The following MAST4 variants were observed in gnomAD, a reference collection of about 807,000 sequenced individuals.
MAST4 encodes the protein microtubule-associated serine/threonine-protein kinase 4.
A neutral mutation model predicts 162.7 loss-of-function variants in MAST4; 89 were observed. That is an observed-to-expected ratio of 0.55 (90% CI 0.46 to 0.65). MAST4 has a LOEUF of 0.65. MAST4 is among the 30% of genes least tolerant of loss of function. MAST4 has a pLI of 0.00. For missense variants in MAST4, 3,153 were observed against 3,374.0 expected, an observed-to-expected ratio of 0.93 and a Z score of 1.62; for synonymous variants, 1,479 against 1,361.1, an observed-to-expected ratio of 1.09 and a Z score of -1.91.
At chr5:67,001,792 G>A (rs939646186) in intron 4 of MAST4, 3 of 152,178 alleles carry the variant, frequency 2.0e-5, no homozygotes, top group African/African-American at 7.2e-5. Context: ...TCTCCTTCAA[G>A]TTTTCTCTGC....
intron 1 of MAST4, among the ~76,000 whole-genome samples, chr5:66,701,279 T>A (rs1580235848): frequency 6.6e-6 from 1 of 152,322 alleles, no homozygotes; most frequent in East Asian, 1.9e-4. Context: ...TGCTTTTTAA[T>A]GAATTTACTT....
chr5:66,699,858 C>G (rs897500979), intron 1 of MAST4, among the ~76,000 whole-genome samples: 15 of 151,884 alleles, frequency 9.9e-5, no homozygotes, highest in Admixed American at 2.0e-4. Context: ...AGCAAACCAC[C>G]GTGGCACACA....
intron 5 of MAST4, among the ~76,000 whole-genome samples, chr5:67,066,494 T>C (rs976066221): frequency 2.0e-5 from 3 of 151,872 alleles, no homozygotes; most frequent in African/African-American, 7.2e-5. Context: ...TATGTCTATA[T>C]CATTTTCTTT....
At chr5:66,812,649 G>A (rs1756534903) in intron 3 of MAST4, among the ~76,000 whole-genome samples, 1 of 152,198 alleles carries the variant, frequency 6.6e-6, no homozygotes, top group Non-Finnish European at 1.5e-5. Flanking sequence ...GAGTTGTAGG[G>A]CTGAGGGTGA....
intron 26 of MAST4, among the ~76,000 whole-genome samples, chr5:67,159,593 A>G (rs1186607452): frequency 1.3e-5 from 2 of 152,138 alleles, no homozygotes; most frequent in Non-Finnish European, 2.9e-5. Flanking sequence ...AATCGGGGCC[A>G]TCTGTGACCT....
In MAST4 at chr5:66,745,814, T is replaced by A. The variant is rs74508985; in HGVS notation, c.364-13895T>A. Reference sequence around the variant, plus strand: ...CTGTATCTTTTCTGTTTTCTAGCTTTAACCTTTAGCGCAATGTCTAGTCCA... The same window carrying A: ...CTGTATCTTTTCTGTTTTCTAGCTTAAACCTTTAGCGCAATGTCTAGTCCA... On this transcript the variant is annotated intron_variant, in intron 1 of 28. Coordinates refer to ENST00000403625, the MANE Select transcript of MAST4 (RefSeq NM_001164664.2). Among the ~76,000 whole-genome samples the A allele has an allele frequency of 1.9e-3, 294 of 152,362 alleles. 1 individual carries two copies. Among genetic ancestry groups the A allele is most frequent in the Non-Finnish European group, 3.4e-3 (228 of 68,040 alleles).
intron 1 of MAST4, among the ~76,000 whole-genome samples, chr5:66,616,906 C>T (rs1167702039): frequency 1.3e-5 from 2 of 152,148 alleles, no homozygotes; most frequent in Non-Finnish European, 2.9e-5. Context: ...CAATTGGTTG[C>T]TGAATTGCAG....
chr5:66,859,015 A>G (rs1374979323), intron 3 of MAST4, among the ~76,000 whole-genome samples: 1 of 152,086 alleles, frequency 6.6e-6, no homozygotes, highest in Non-Finnish European at 1.5e-5. Context: ...TGTATCTAAA[A>G]TCTCTGAGCT....
intron 3 of MAST4, among the ~76,000 whole-genome samples, chr5:66,844,155 G>C (rs187337008): frequency 7.9e-6 from 1 of 126,816 alleles, no homozygotes; most frequent in Non-Finnish European, 1.8e-5. Context: ...GTGTGTGTGT[G>C]TGTGTGTGTG....
chr5:66,950,505 G>A (rs960217652), intron 4 of MAST4, among the ~76,000 whole-genome samples: 16 of 152,028 alleles, frequency 1.1e-4, no homozygotes, highest in African/African-American at 3.4e-4. Flanking sequence ...CCAAAATAGA[G>A]TAGTACCTAC....
chr5:66,875,799 C>T (rs1761260003), intron 3 of MAST4, among the ~76,000 whole-genome samples: 1 of 152,124 alleles, frequency 6.6e-6, no homozygotes, highest in Non-Finnish European at 1.5e-5. Context: ...CTCACTTTGT[C>T]ACTCAGGCTG....
At chr5:66,948,205 C>T (rs1349705769) in intron 4 of MAST4, among the ~76,000 whole-genome samples, 2 of 152,162 alleles carry the variant, frequency 1.3e-5, no homozygotes, top group African/African-American at 2.4e-5. Flanking sequence ...ACCCGTGCCA[C>T]ATTCCGAATT....
rs145475725 is a variant in MAST4, at chr5:66,759,131, T to C, written c.364-578T>C. On this transcript the variant is annotated intron_variant, in intron 1 of 28. Coordinates refer to ENST00000403625, the MANE Select transcript of MAST4 (RefSeq NM_001164664.2). ...AAAAAGCTATAAAGTGACGTAGGGA[T>C]GTATTGATTTCCATTAAGGGCTAGG... Among the ~76,000 whole-genome samples the C allele has an allele frequency of 6.0e-3, 916 of 152,312 alleles. 9 individuals are homozygous for C. The highest frequency in any genetic ancestry group is 0.021 in the African/African-American group (875 of 41,578).
chr5:66,640,309 C>CTTTTTTTTTTTTTTTT (rs770087325), intron 1 of MAST4, among the ~76,000 whole-genome samples: 1 of 139,918 alleles, frequency 7.1e-6, no homozygotes, highest in African/African-American at 2.6e-5. Flanking sequence ...CAATTTGTTT[C>CTTTTTTTTTTTTTTTT]TTTTTTTTTT....
At chr5:66,891,858 C>T (rs185694129) in intron 3 of MAST4, among the ~76,000 whole-genome samples, 5 of 152,318 alleles carry the variant, frequency 3.3e-5, no homozygotes, top group Admixed American at 1.3e-4. Context: ...TAAAGAGACT[C>T]GATTGGCTCA....
At chr5:66,695,627 T>A (rs979624852) in intron 1 of MAST4, among the ~76,000 whole-genome samples, 4 of 152,196 alleles carry the variant, frequency 2.6e-5, no homozygotes, top group African/African-American at 9.6e-5. Flanking sequence ...ATTTTCATGA[T>A]ACTGATTTTT....
intron 4 of MAST4, among the ~76,000 whole-genome samples, chr5:66,997,122 A>G (rs1200686606): frequency 6.6e-6 from 1 of 152,132 alleles, no homozygotes; most frequent in Non-Finnish European, 1.5e-5. Context: ...TTTTGTATAA[A>G]TATTGCATAT....
At chr5:67,018,524 A>AT (rs1172756166) in intron 4 of MAST4, among the ~76,000 whole-genome samples, 1 of 152,176 alleles carries the variant, frequency 6.6e-6, no homozygotes, top group African/African-American at 2.4e-5. Context: ...CAAAAAAAAA[A>AT]GTCCCTTTGA....
intron 6 of MAST4, among the ~76,000 whole-genome samples, chr5:67,091,105 G>T (rs1040539137): frequency 2.6e-5 from 4 of 152,040 alleles, no homozygotes; most frequent in African/African-American, 9.7e-5. Flanking sequence ...GATTAAAGTA[G>T]GACTTAATAA....
Sources: gnomAD v4.1 joint callset for allele counts (sites outside exome capture counted in the v4.1 genomes callset) on GRCh38, gnomAD v4.1.1 for gene constraint, MANE v1.5 for transcripts, NCBI Gene and HGNC (gene_info 2026-07-23, HGNC 2026-07-21) for gene names.